Variants in CSMD1 observed in about 807,000 individuals in gnomAD.
CSMD1 encodes the protein CUB and Sushi multiple domains 1, also known as CUB and sushi domain-containing protein 1.
A neutral mutation model predicts 417.5 loss-of-function variants in CSMD1; 213 were observed. That is an observed-to-expected ratio of 0.51 (90% CI 0.46 to 0.57). The LOEUF is 0.57. Ranked by LOEUF, CSMD1 falls within the 20% of genes least tolerant of loss-of-function variation. The pLI is 0.00. For synonymous variants in CSMD1, 2,862 were observed against 1,736.8 expected (o/e 1.65, Z -16.11); for missense variants, 6,923 against 4,529.7 (o/e 1.53, Z -15.17).
intron 8 of CSMD1, among the ~76,000 whole-genome samples, chr8:3,588,085 TA>T (rs1800682974): frequency 6.6e-6 from 1 of 150,542 alleles, no homozygotes; most frequent in South Asian, 2.1e-4. Flanking sequence ...AATTTTCTTT[TA>T]AAAAATTGTT....
chr8:4,032,228 A>T (rs1797386207), intron 3 of CSMD1, 129 bp from the exon 4 acceptor site: 1 of 635,594 alleles, frequency 1.6e-6, no homozygotes, highest in African/African-American at 1.8e-5. Context: ...AAAAATATTA[A>T]TTGTTGCTAA....
chr8:4,415,484 T>C (rs1360076552), intron 3 of CSMD1, among the ~76,000 whole-genome samples: 1 of 152,198 alleles, frequency 6.6e-6, no homozygotes, highest in African/African-American at 2.4e-5. Flanking sequence ...TGATGGCCTC[T>C]ACATGGCCCA....
chr8:3,429,451 G>T (rs1814069731), intron 12 of CSMD1, among the ~76,000 whole-genome samples: 1 of 152,156 alleles, frequency 6.6e-6, no homozygotes, highest in Non-Finnish European at 1.5e-5. Context: ...CATGTCCAAA[G>T]CAACACTTGT....
Position 3,950,583 on chromosome 8 carries a change from G to A in CSMD1, c.818+47320C>T, listed in dbSNP as rs752518531. Among the ~76,000 whole-genome samples the A allele has an allele frequency of 3.3e-5, 5 of 152,322 alleles. No homozygotes were observed. The East Asian group carries it at 5.8e-4, about 18-fold the overall frequency. ...TTCCGCTTGCCCATAGCAATATTGC[G>A]TGAAATATGAAACCACCATTAAGTC... is the stretch of plus-strand genomic sequence containing the variant. On this transcript the variant is annotated intron_variant, in intron 5 of 69. Transcript: ENST00000635120.
chr8:4,959,714 G>A (rs1197783110), intron 1 of CSMD1, among the ~76,000 whole-genome samples: 2 of 152,198 alleles, frequency 1.3e-5, no homozygotes, highest in East Asian at 1.9e-4. Flanking sequence ...TCAGTTCACG[G>A]AATGTCAAAA....
intron 7 of CSMD1, among the ~76,000 whole-genome samples, chr8:3,628,316 C>G (rs1157178553): frequency 2.0e-5 from 3 of 152,158 alleles, no homozygotes; most frequent in Non-Finnish European, 4.4e-5. Context: ...GCACACTTCT[C>G]TGGAACCATC....
intron 1 of CSMD1, among the ~76,000 whole-genome samples, chr8:4,711,995 T>C (rs1279302542): frequency 1.3e-5 from 2 of 152,192 alleles, no homozygotes; most frequent in African/African-American, 4.8e-5. Flanking sequence ...ATTTGAAATA[T>C]GTGGCTTCCT....
rs562994512 is a variant in CSMD1, at chr8:3,771,881, G to C, written c.819-17839C>G. ...TTTGCCCACTTTTGAATCTGCCACA[G>C]TCCTGATCTGACCCAGATATGAGCA... On this transcript the variant is annotated intron_variant, in intron 5 of 69. Transcript: ENST00000635120. Among the ~76,000 whole-genome samples the C allele has an allele frequency of 7.9e-5, 12 of 152,072 alleles. No homozygotes were observed. In the South Asian group the frequency reaches 1.0e-3, roughly 13 times the overall value.
At chr8:4,862,188 T>C (rs1021253961) in intron 1 of CSMD1, among the ~76,000 whole-genome samples, 3 of 151,982 alleles carry the variant, frequency 2.0e-5, no homozygotes, top group Non-Finnish European at 4.4e-5. Flanking sequence ...TTATTGTTCC[T>C]TGAACCTCAA....
At chr8:4,524,203 T>G (rs1796388716) in intron 2 of CSMD1, among the ~76,000 whole-genome samples, 1 of 151,526 alleles carries the variant, frequency 6.6e-6, no homozygotes, top group East Asian at 1.9e-4. Flanking sequence ...GAAATTAAAA[T>G]ATATTTATAT....
intron 8 of CSMD1, among the ~76,000 whole-genome samples, chr8:3,610,374 A>G (rs995344941): frequency 2.0e-5 from 3 of 152,140 alleles, no homozygotes; most frequent in African/African-American, 7.2e-5. Context: ...CTTTACAAAA[A>G]TCTTTTAACA....
In CSMD1 at chr8:4,912,349, T is replaced by A. The variant is rs549013850; in HGVS notation, c.85+81983A>T. Among the ~76,000 whole-genome samples, 56 of 92,560 alleles carry A rather than the reference T, an allele frequency of 6.1e-4. 2 individuals carry two copies. In the South Asian group the frequency reaches 0.011, roughly 18 times the overall value. The allele number at this position is 92,560 out of a possible 152,430, so 60.7% of individuals were successfully genotyped here. ...GGGAAGAATTTCTTACATTAAGAAA[T>A]CATTTTCTGCTTTTTTTTTTTTTTT... On this transcript the variant is annotated intron_variant, in intron 1 of 69. Transcript: ENST00000635120.
intron 5 of CSMD1, among the ~76,000 whole-genome samples, chr8:3,946,007 AT>A (rs1358169677): frequency 4.6e-5 from 7 of 152,134 alleles, no homozygotes; most frequent in Non-Finnish European, 1.0e-4. Flanking sequence ...CTTTACTTAA[AT>A]TTTGCTCATA....
Position 4,932,008 on chromosome 8 carries a change from T to G in CSMD1, c.85+62324A>C, listed in dbSNP as rs761337956. 2.6e-5 allele frequency among the ~76,000 whole-genome samples: 4 copies of G among 152,280 alleles called. No homozygotes were observed. The East Asian group carries it at 7.7e-4, about 29-fold the overall frequency. ...TTTAAAACCACAATAATTTGAGAGA[T>G]TCACATAGCTACTAATAAATAAAAT... On this transcript the variant is annotated intron_variant, in intron 1 of 69. Transcript: ENST00000635120.
chr8:4,537,341 G>A (rs952567930), intron 2 of CSMD1, among the ~76,000 whole-genome samples: 2 of 152,168 alleles, frequency 1.3e-5, no homozygotes, highest in Non-Finnish European at 2.9e-5. Flanking sequence ...ATGCTAAAAT[G>A]AGAGATTATT....
intron 3 of CSMD1, among the ~76,000 whole-genome samples, chr8:4,408,355 G>A (rs1407155428): frequency 6.6e-6 from 1 of 152,184 alleles, no homozygotes; most frequent in Non-Finnish European, 1.5e-5. Flanking sequence ...TCTGGAAAGG[G>A]CGTATCATCC....
intron 1 of CSMD1, among the ~76,000 whole-genome samples, chr8:4,957,943 T>C (rs1215983186): frequency 2.0e-5 from 3 of 152,212 alleles, no homozygotes; most frequent in Non-Finnish European, 4.4e-5. Flanking sequence ...CTTGAAGTAC[T>C]CCTTCTGCTT....
intron 5 of CSMD1, among the ~76,000 whole-genome samples, chr8:3,840,196 A>G (rs1225288179): frequency 6.6e-6 from 1 of 152,170 alleles, no homozygotes. Context: ...TCATAAAGTA[A>G]CTAAATGCTT....
At chr8:4,249,798 G>C (rs561547839) in intron 3 of CSMD1, among the ~76,000 whole-genome samples, 2 of 152,222 alleles carry the variant, frequency 1.3e-5, no homozygotes, top group East Asian at 3.9e-4. Flanking sequence ...GAAGAACACA[G>C]TGTCAGTTTA....
Sources: allele counts gnomAD v4.1 joint callset (sites outside exome capture counted in the v4.1 genomes callset), GRCh38; gene constraint gnomAD v4.1.1; transcripts MANE v1.5; gene names NCBI Gene and HGNC (gene_info 2026-07-23, HGNC 2026-07-21).